The following ARHGEF38 variants were observed in gnomAD, a reference collection of about 807,000 sequenced individuals.
The protein encoded by ARHGEF38 is Rho guanine nucleotide exchange factor (GEF) 38.
A neutral mutation model predicts 79.9 loss-of-function variants in ARHGEF38; 79 were observed. The ratio of observed to expected loss-of-function variants is 0.99; its 90% CI spans 0.82 to 1.19. The LOEUF (loss-of-function observed/expected upper bound fraction) is 1.19. ARHGEF38 is among the 50% of genes most tolerant of loss of function. The probability of loss-of-function intolerance (pLI) is 0.00; values close to 1 mark genes in which losing one functional copy is unlikely to be tolerated. For missense variants in ARHGEF38, 962 were observed against 907.2 expected (o/e 1.06, Z -0.78); for synonymous variants, 366 against 328.3 (o/e 1.11, Z -1.24).
intron 9 of ARHGEF38, among the ~76,000 whole-genome samples, chr4:105,657,312 C>A (rs1241959834): frequency 6.6e-6 from 1 of 152,018 alleles, no homozygotes; most frequent in African/African-American, 2.4e-5. Flanking sequence ...GTCCTGCATA[C>A]CTTGCATAAA....
At chr4:105,560,010 A>G (rs1018360170) in intron 1 of ARHGEF38, among the ~76,000 whole-genome samples, 1 of 152,178 alleles carries the variant, frequency 6.6e-6, no homozygotes, top group Admixed American at 6.6e-5. Flanking sequence ...TATTTGCAAA[A>G]TGGAATGAAT....
At chr4:105,584,170 A>C (rs1222266730) in intron 1 of ARHGEF38, among the ~76,000 whole-genome samples, 1 of 152,236 alleles carries the variant, frequency 6.6e-6, no homozygotes, top group East Asian at 1.9e-4. Context: ...TAGTTGCAAA[A>C]GCAAGTTGCA....
rs144257183 is a variant in ARHGEF38 at position 105,600,140 on chromosome 4, G to A, written c.384+10705G>A. On this transcript the variant is annotated intron_variant, in intron 2 of 13. Transcript: ENST00000420470. ...TGCAGTGCCTGCTCCTGAGCTCTGC[G>A]TGGGTATCAAGAAAATTTATGTCAC... Among the ~76,000 whole-genome samples the A allele has an allele frequency of 1.5e-3, 235 of 152,232 alleles. 1 individual carries two copies. The highest frequency in any genetic ancestry group is 6.8e-3 in the Middle Eastern group (2 of 294).
Position 105,645,252 on chromosome 4 carries a change from T to C in ARHGEF38, c.739T>C (p.Tyr247His). The C allele has an allele frequency of 6.5e-7, 1 of 1,535,850 alleles. No individual in the cohort carries two copies. Among genetic ancestry groups the C allele is most frequent in the African/African-American group, 1.4e-5 (1 of 73,126 alleles). ...MIKPIQRVMK[Y>H]PLLLCELRNS... Reference sequence around the variant, plus strand: ...CAAACCAATTCAACGTGTGATGAAATACCCCCTATTACTGTGCGAACTTCG... The same window carrying C: ...CAAACCAATTCAACGTGTGATGAAACACCCCCTATTACTGTGCGAACTTCG... Residue 247 changes from tyrosine to histidine, a missense_variant, in exon 6 of 14, where the codon TAC becomes CAC. Transcript: ENST00000420470.
chr4:105,670,150 A>C (rs1025210308), intron 13 of ARHGEF38, among the ~76,000 whole-genome samples: 1 of 152,110 alleles, frequency 6.6e-6, no homozygotes, highest in Non-Finnish European at 1.5e-5. Flanking sequence ...GATACCCAGA[A>C]GTGTAATTTC....
In ARHGEF38 at chr4:105,645,223, T is replaced by G; in HGVS notation, c.710T>G (p.Met237Arg). The G allele has an allele frequency of 6.5e-7, 1 of 1,532,254 alleles. No homozygotes were observed. Among genetic ancestry groups the G allele is most frequent in the South Asian group, 1.2e-5 (1 of 82,796 alleles). The allele number at this position is 1,532,254 out of a possible 1,614,324, so 94.9% of individuals were successfully genotyped here. Reference protein sequence around the residue: ...KPNLLDMGSLMIKPIQRVMKY... With the variant: ...KPNLLDMGSLRIKPIQRVMKY... ...AACTTATTGGACATGGGCTCTTTGATGATCAAACCAATTCAACGTGTGATG... is the reference window on the plus strand; with the variant it reads ...AACTTATTGGACATGGGCTCTTTGAGGATCAAACCAATTCAACGTGTGATG... The change falls in exon 6 of 14, where the codon ATG (methionine) becomes AGG (arginine). Residue 237 changes from methionine to arginine, a missense_variant. Coordinates refer to ENST00000420470, the MANE Select transcript of ARHGEF38 (RefSeq NM_001242729.2).
rs1560684190 is a variant in ARHGEF38 at position 105,561,409 on chromosome 4, AGAATAGAATAGAATG to A, written c.196+8463_196+8477del. ...CAAAAATAGAGTAGAATAATAGAAT[AGAATAGAATAGAATG>A]GAATAGAATAGAATAGAATAGAATG... On this transcript the variant is annotated intron_variant, in intron 1 of 13. Transcript: ENST00000420470. 4.6e-3 allele frequency among the ~76,000 whole-genome samples: 236 copies of A among 51,260 alleles called. 34 individuals carry two copies. The highest frequency in any genetic ancestry group is 0.019 in the African/African-American group (223 of 11,636). The allele number at this position is 51,260 out of a possible 152,430, so 33.6% of individuals were successfully genotyped here.
intron 2 of ARHGEF38, among the ~76,000 whole-genome samples, chr4:105,608,879 A>G (rs1728169940): frequency 6.6e-6 from 1 of 151,970 alleles, no homozygotes; most frequent in African/African-American, 2.4e-5. Context: ...CTTACTGAGT[A>G]GAGCTCCTTA....
Position 105,557,852 on chromosome 4 carries a change from G to A in ARHGEF38, c.196+4891G>A, listed in dbSNP as rs578000555. Among the ~76,000 whole-genome samples the A allele has an allele frequency of 1.5e-3, 229 of 152,068 alleles. 1 individual carries two copies. Among genetic ancestry groups the A allele is most frequent in the African/African-American group, 5.3e-3 (219 of 41,476 alleles). On this transcript the variant is annotated intron_variant, in intron 1 of 13. Transcript: ENST00000420470. ...CAGCCCAAACCAACCAAGACGGGTC[G>A]ATTACCTTTATCCTCTATGGCCACA...
At chr4:105,623,174 C>T (rs909100958) in intron 3 of ARHGEF38, among the ~76,000 whole-genome samples, 1 of 152,208 alleles carries the variant, frequency 6.6e-6, no homozygotes. Flanking sequence ...GTGTCACCAG[C>T]ACCCAGAACA....
At position 105,680,233 on chromosome 4, in the gene ARHGEF38, TA is replaced by T. The variant is rs2058707632; in HGVS notation, c.*2297del. The stretch of plus-strand genomic sequence containing the variant: ...CTTTTCCTTAAGTCACTAAAATCTG[TA>T]GTTATATAATCTTACATAAAGCATA... On this transcript the variant is annotated 3_prime_UTR_variant, in exon 14 of 14. Transcript: ENST00000420470. The T allele has an allele frequency of 9.3e-6, 4 of 430,376 alleles. No homozygotes were observed. Among genetic ancestry groups the T allele is most frequent in the Non-Finnish European group, 1.7e-5 (4 of 230,496 alleles). The allele number at this position is 430,376 out of a possible 1,614,324, so 26.7% of individuals were successfully genotyped here.
At chr4:105,621,777 G>T (rs1578320390) in intron 3 of ARHGEF38, among the ~76,000 whole-genome samples, 1 of 152,260 alleles carries the variant, frequency 6.6e-6, no homozygotes, top group Middle Eastern at 3.4e-3. Context: ...ACACAAATAG[G>T]CTTGACCTGG....
chr4:105,584,365 T>C (rs756859025), intron 1 of ARHGEF38, among the ~76,000 whole-genome samples: 3 of 152,206 alleles, frequency 2.0e-5, no homozygotes, highest in African/African-American at 4.8e-5. Context: ...CTAATAATAA[T>C]AAAACATTTT....
chr4:105,651,696 C>G (rs1730111456), intron 7 of ARHGEF38, among the ~76,000 whole-genome samples: 1 of 152,122 alleles, frequency 6.6e-6, no homozygotes, highest in African/African-American at 2.4e-5. Flanking sequence ...GTTGCCCAAG[C>G]TGGGCTAGAG....
intron 3 of ARHGEF38, 79 bp downstream of exon 3, chr4:105,613,586 G>A: frequency 6.6e-7 from 1 of 1,513,346 alleles, no homozygotes; most frequent in Non-Finnish European, 9.0e-7. Context: ...TTGGTTTTTT[G>A]TTCCTGACTC....
At chr4:105,645,120 A>G in intron 5 of ARHGEF38, 68 bp from the exon 6 acceptor site, 9 of 1,131,186 alleles carry the variant, frequency 8.0e-6, no homozygotes, top group Non-Finnish European at 8.0e-6. Flanking sequence ...TCATAAAAAC[A>G]CACAAAAATG....
chr4:105,575,361 A>C (rs1726446305), intron 1 of ARHGEF38, among the ~76,000 whole-genome samples: 1 of 152,168 alleles, frequency 6.6e-6, no homozygotes, highest in Non-Finnish European at 1.5e-5. Context: ...TACTGGAGTA[A>C]GATGGTATCC....
At chr4:105,610,369 A>T (rs777380020) in intron 2 of ARHGEF38, among the ~76,000 whole-genome samples, 8 of 152,078 alleles carry the variant, frequency 5.3e-5, no homozygotes, top group Non-Finnish European at 1.2e-4. Context: ...TTTAATTTTT[A>T]TGTTTTGTAA....
chr4:105,572,727 T>G (rs1299473878), intron 1 of ARHGEF38, among the ~76,000 whole-genome samples: 3 of 152,212 alleles, frequency 2.0e-5, no homozygotes, highest in Non-Finnish European at 2.9e-5. Flanking sequence ...CCCTTTCTTT[T>G]TAAAGCTTGA....
Sources: gnomAD v4.1 joint callset for allele counts (sites outside exome capture counted in the v4.1 genomes callset) on GRCh38, gnomAD v4.1.1 for gene constraint, MANE v1.5 for transcripts, NCBI Gene and HGNC (gene_info 2026-07-23, HGNC 2026-07-21) for gene names.